The following ERCC1 variants were observed in gnomAD, a reference collection of about 807,000 sequenced individuals.
ERCC1 encodes the protein ERCC excision repair 1, endonuclease non-catalytic subunit.
Under a neutral mutation model 37.6 loss-of-function variants are expected in ERCC1, and 36 were observed. That is an observed-to-expected ratio of 0.96 (90% confidence interval 0.73 to 1.26). The LOEUF is 1.26. Among genes scored for constraint, ERCC1 ranks in the 50% most tolerant of loss-of-function variants. The probability of loss-of-function intolerance (pLI) is 0.00; values close to 1 mark genes in which losing one functional copy is unlikely to be tolerated. For missense variants in ERCC1, 349 were observed against 376.5 expected, an observed-to-expected ratio of 0.93 and a Z score of 0.60; for synonymous variants, 156 against 162.1, an observed-to-expected ratio of 0.96 and a Z score of 0.28.
chr19:45,409,297 TG>T lies in ERCC1; in HGVS notation c.*377del. The T allele has an allele frequency of 6.2e-7, 1 of 1,613,378 alleles. No individual in the cohort carries two copies. The highest frequency in any genetic ancestry group is 2.2e-5 in the East Asian group (1 of 44,812). The stretch of plus-strand genomic sequence containing the variant: ...CTGAGCCAATTCAGCCACTAGAGCC[TG>T]AACTGCCAGGGGAGGGACAGCCTGA... On this transcript the variant is annotated 3_prime_UTR_variant, in exon 10 of 10. Coordinates refer to ENST00000300853, the MANE Select transcript of ERCC1 (RefSeq NM_001983.4).
intron 6 of ERCC1, among the ~76,000 whole-genome samples, chr19:45,415,342 A>G (rs1252672631): frequency 6.7e-6 from 1 of 148,986 alleles, no homozygotes; most frequent in Non-Finnish European, 1.5e-5. Context: ...TTTCAGAAAA[A>G]AAAAAAAAAA....
intron 1 of ERCC1, among the ~76,000 whole-genome samples, chr19:45,443,211 A>G (rs1568601208): frequency 1.3e-5 from 2 of 152,258 alleles, no homozygotes; most frequent in East Asian, 3.9e-4. Context: ...CCAAGGAGGT[A>G]TGGCTGTAGT....
intron 7 of ERCC1, 134 bp from the exon 8 acceptor site, chr19:45,414,168 T>C (rs1222939086): frequency 1.4e-5 from 10 of 726,938 alleles, no homozygotes; most frequent in Non-Finnish European, 2.0e-5. Context: ...ACGCTTTTTT[T>C]CCCAACTGAT....
At chr19:45,418,327 C>T (rs914427987) in intron 5 of ERCC1, among the ~76,000 whole-genome samples, 1 of 151,966 alleles carries the variant, frequency 6.6e-6, no homozygotes, top group African/African-American at 2.4e-5. Flanking sequence ...CCAGTCTGGG[C>T]GAAAGAGCGA....
intron 1 of ERCC1, chr19:45,450,786 A>C (rs1005148606): frequency 1.3e-5 from 2 of 149,716 alleles, no homozygotes; most frequent in Non-Finnish European, 3.0e-5. Flanking sequence ...AAAAAAAAAA[A>C]AAGAGAGAGA....
chr19:45,418,787 C>T (rs2045798295), intron 5 of ERCC1, among the ~76,000 whole-genome samples: 1 of 152,226 alleles, frequency 6.6e-6, no homozygotes, highest in Non-Finnish European at 1.5e-5. Context: ...CAAGTCATTG[C>T]ACTCCAGCCT....
chr19:45,408,949 G>A lies in ERCC1; in HGVS notation c.*726C>T, dbSNP rs767394181. The A allele has an allele frequency of 4.3e-5, 69 of 1,614,030 alleles. No homozygotes were observed. The highest frequency in any genetic ancestry group is 2.5e-4 in the South Asian group (23 of 91,084). On this transcript the variant is annotated 3_prime_UTR_variant, in exon 10 of 10. Transcript: ENST00000300853. ...AGGAAGCCATCCCTCTGCCCCCTACGAAGAAGAGGAAAAAAGAAAAGGGAC... is the reference window on the plus strand; with the variant it reads ...AGGAAGCCATCCCTCTGCCCCCTACAAAGAAGAGGAAAAAAGAAAAGGGAC...
At chr19:45,423,214 C>T (rs902819245) in intron 2 of ERCC1, 56 bp downstream of exon 2, 5 of 1,535,396 alleles carry the variant, frequency 3.3e-6, no homozygotes, top group Non-Finnish European at 4.4e-6. Flanking sequence ...CCCATCCTAT[C>T]CTCTTCGTCC....
chr19:45,435,144 C>G (rs1036666230), intron 1 of ERCC1, among the ~76,000 whole-genome samples: 3 of 151,960 alleles, frequency 2.0e-5, no homozygotes, highest in Non-Finnish European at 2.9e-5. Flanking sequence ...GTCTCAGACT[C>G]CTGACTTCAT....
intron 1 of ERCC1, among the ~76,000 whole-genome samples, chr19:45,434,316 C>T (rs902901576): frequency 1.6e-4 from 21 of 134,554 alleles, no homozygotes; most frequent in Admixed American, 1.5e-3. Context: ...CACCGTGTCT[C>T]TCCAAAAAAT....
intron 1 of ERCC1, among the ~76,000 whole-genome samples, chr19:45,431,973 TA>T (rs1363228495): frequency 4.6e-5 from 7 of 152,120 alleles, no homozygotes; most frequent in Non-Finnish European, 1.0e-4. Context: ...ATTAATTTTT[TA>T]TTTTTTTATT....
At chr19:45,415,813 G>A (rs955474473) in intron 6 of ERCC1, 2 of 455,770 alleles carry the variant, frequency 4.4e-6, no homozygotes, top group Admixed American at 2.4e-5. Context: ...CTGGGCCAGT[G>A]GTTTGCTCTC....
At chr19:45,441,664 T>C (rs530014333) in intron 1 of ERCC1, among the ~76,000 whole-genome samples, 317 of 151,704 alleles carry the variant, frequency 2.1e-3, no homozygotes, top group African/African-American at 4.9e-3. Context: ...CGTAAGCCAC[T>C]GCGTCCAGCC....
At chr19:45,438,059 G>C (rs61111583) in intron 1 of ERCC1, among the ~76,000 whole-genome samples, 11,385 of 151,296 alleles carry the variant, frequency 0.075, 1,114 homozygotes, top group African/African-American at 0.26. Context: ...AGGCGTGTGA[G>C]ACCACGCCCA....
At chr19:45,433,681 C>T (rs1974893544) in intron 1 of ERCC1, among the ~76,000 whole-genome samples, 1 of 147,958 alleles carries the variant, frequency 6.8e-6, no homozygotes, top group Non-Finnish European at 1.5e-5. Flanking sequence ...GAGCAAGACT[C>T]TGTCTTTAAA....
chr19:45,446,396 C>A (rs914408871), intron 1 of ERCC1, among the ~76,000 whole-genome samples: 3 of 152,164 alleles, frequency 2.0e-5, no homozygotes, highest in African/African-American at 2.4e-5. Flanking sequence ...ACATTCATAG[C>A]AAGCCATCAG....
chr19:45,418,037 G>C (rs1419081299), intron 5 of ERCC1, among the ~76,000 whole-genome samples: 2 of 151,810 alleles, frequency 1.3e-5, no homozygotes, highest in Non-Finnish European at 2.9e-5. Flanking sequence ...GACCAGACTG[G>C]GTAACATAGC....
chr19:45,426,959 T>TCAAA (rs35772076), upstream of ERCC1, among the ~76,000 whole-genome samples: 8 of 92,452 alleles, frequency 8.7e-5, no homozygotes, highest in African/African-American at 1.4e-4. Context: ...AAACTCCATC[T>TCAAA]AAAAAAAAAA....
intron 1 of ERCC1, among the ~76,000 whole-genome samples, chr19:45,432,286 A>T (rs758514409): frequency 1.9e-3 from 74 of 38,610 alleles, no homozygotes; most frequent in Non-Finnish European, 1.5e-3. Flanking sequence ...AAATTAATTT[A>T]TTATTATTAT....
Sources: gnomAD v4.1 joint callset for allele counts (sites outside exome capture counted in the v4.1 genomes callset) on GRCh38, gnomAD v4.1.1 for gene constraint, MANE v1.5 for transcripts, NCBI Gene and HGNC (gene_info 2026-07-23, HGNC 2026-07-21) for gene names.